The following CA8 variants were observed in gnomAD, a reference collection of about 807,000 sequenced individuals.
CA8 encodes the protein carbonic anhydrase 8 (inactive), also known as carbonic anhydrase-related protein.
Under a neutral mutation model 41.4 loss-of-function variants are expected in CA8, and 22 were observed. The ratio of observed to expected loss-of-function variants is 0.53; its 90% CI spans 0.38 to 0.76. CA8 has a LOEUF of 0.76. CA8 is among the 30% of genes least tolerant of loss of function. The probability of loss-of-function intolerance (pLI) is 0.00; values close to 1 mark genes in which losing one functional copy is unlikely to be tolerated. For missense variants in CA8, 270 were observed against 352.8 expected, an observed-to-expected ratio of 0.77 and a Z score of 1.88; for synonymous variants, 121 against 130.6, an observed-to-expected ratio of 0.93 and a Z score of 0.50.
chr8:60,256,845 T>G (rs1808656924), intron 3 of CA8, among the ~76,000 whole-genome samples: 1 of 152,218 alleles, frequency 6.6e-6, no homozygotes, highest in Non-Finnish European at 1.5e-5. Flanking sequence ...TGATTAGACT[T>G]ATAAAAATAC....
chr8:60,225,421 A>G (rs1807398313), intron 5 of CA8, among the ~76,000 whole-genome samples: 2 of 152,218 alleles, frequency 1.3e-5, no homozygotes, highest in East Asian at 1.9e-4. Flanking sequence ...CCTGAATTCC[A>G]TAATGACTGG....
intron 2 of CA8, 103 bp downstream of exon 2, chr8:60,279,586 T>TA (rs1171384388): frequency 1.0e-6 from 1 of 976,024 alleles, no homozygotes; most frequent in Admixed American, 1.8e-5. Flanking sequence ...AAAATAGAGA[T>TA]ACGTCAGTTG....
At chr8:60,212,051 C>A (rs1806854440) in intron 7 of CA8, among the ~76,000 whole-genome samples, 2 of 152,126 alleles carry the variant, frequency 1.3e-5, no homozygotes, top group African/African-American at 4.8e-5. Flanking sequence ...TTGTTTTTAA[C>A]CAATTTAAGA....
At chr8:60,230,883 C>T (rs955108999) in intron 4 of CA8, among the ~76,000 whole-genome samples, 1 of 152,198 alleles carries the variant, frequency 6.6e-6, no homozygotes. Context: ...TAAGTTATCA[C>T]ACCTAATTCC....
chr8:60,273,464 G>A (rs962449339), intron 2 of CA8, among the ~76,000 whole-genome samples: 2 of 152,240 alleles, frequency 1.3e-5, no homozygotes, highest in South Asian at 2.1e-4. Flanking sequence ...GCCTATCACT[G>A]TGGCTCCTTT....
At chr8:60,249,791 A>T (rs1231214434) in intron 3 of CA8, among the ~76,000 whole-genome samples, 1 of 152,182 alleles carries the variant, frequency 6.6e-6, no homozygotes, top group Non-Finnish European at 1.5e-5. Flanking sequence ...AAGAGTCTAA[A>T]CCTAATCCCA....
chr8:60,188,902 CTT>C lies in CA8; in HGVS notation c.*1117_*1118del, dbSNP rs1350450156. 6.6e-6 allele frequency: 1 copy of C among 152,146 alleles called. No individual in the cohort carries two copies. The highest frequency in any genetic ancestry group is 2.4e-5 in the African/African-American group (1 of 41,426). The allele number at this position is 152,146 out of a possible 1,614,324, so 9.4% of individuals were successfully genotyped here. Reference sequence around the variant, plus strand: ...TTCCACCTGTCTTCTATTTCTATGACTTAGATATTCTGCATCACAAAATCCCT... The same window carrying C: ...TTCCACCTGTCTTCTATTTCTATGACAGATATTCTGCATCACAAAATCCCT... On this transcript the variant is annotated 3_prime_UTR_variant, in exon 9 of 9. Coordinates refer to ENST00000317995, the MANE Select transcript of CA8 (RefSeq NM_004056.6).
chr8:60,265,285 A>G (rs1404110600), intron 3 of CA8: 1 of 153,098 alleles, frequency 6.5e-6, no homozygotes, highest in Non-Finnish European at 1.5e-5. Flanking sequence ...GGCCAGCGCC[A>G]TGGCAGTGCC....
chr8:60,209,476 C>T (rs979931296), intron 7 of CA8, among the ~76,000 whole-genome samples: 1 of 152,196 alleles, frequency 6.6e-6, no homozygotes, highest in African/African-American at 2.4e-5. Flanking sequence ...CAGAGCCAGA[C>T]TCCATCTCCA....
At chr8:60,205,346 G>C (rs7841412) in intron 8 of CA8, among the ~76,000 whole-genome samples, 1 of 152,112 alleles carries the variant, frequency 6.6e-6, no homozygotes, top group African/African-American at 2.4e-5. Context: ...CGTCAGAACA[G>C]CCTTTTAAAA....
At chr8:60,234,691 C>T (rs1357521178) in intron 3 of CA8, among the ~76,000 whole-genome samples, 1 of 152,174 alleles carries the variant, frequency 6.6e-6, no homozygotes, top group Non-Finnish European at 1.5e-5. Flanking sequence ...GCAGCAACAG[C>T]AGCTCTCCCA....
At chr8:60,274,442 AG>A in intron 2 of CA8, among the ~76,000 whole-genome samples, 1 of 152,364 alleles carries the variant, frequency 6.6e-6, no homozygotes, top group South Asian at 2.1e-4. Flanking sequence ...TACAGGAAGA[AG>A]GCCACAAGAG....
intron 2 of CA8, 43 bp downstream of exon 2, chr8:60,279,646 A>C (rs1804344677): frequency 1.3e-6 from 2 of 1,523,992 alleles, no homozygotes; most frequent in South Asian, 2.2e-5. Flanking sequence ...CTCTACGCTG[A>C]CTTCTAGTTT....
intron 2 of CA8, among the ~76,000 whole-genome samples, chr8:60,270,405 C>G (rs1379017902): frequency 6.6e-6 from 1 of 152,140 alleles, no homozygotes; most frequent in African/African-American, 2.4e-5. Context: ...TACTTACTTA[C>G]CTACTTATTT....
intron 3 of CA8, 162 bp from the exon 4 acceptor site, chr8:60,232,541 A>T: frequency 1.5e-6 from 1 of 689,152 alleles, no homozygotes; most frequent in Non-Finnish European, 2.7e-6. Flanking sequence ...TCTCTGTATG[A>T]ATTCCTTCCT....
chr8:60,239,358 G>A (rs1807939278), intron 3 of CA8, among the ~76,000 whole-genome samples: 3 of 152,158 alleles, frequency 2.0e-5, no homozygotes, highest in African/African-American at 7.2e-5. Flanking sequence ...CTTGAGAAAG[G>A]GCTAAAGGTA....
intron 7 of CA8, among the ~76,000 whole-genome samples, chr8:60,215,774 G>A (rs534903524): frequency 3.3e-5 from 5 of 152,134 alleles, no homozygotes; most frequent in African/African-American, 1.2e-4. Flanking sequence ...AATGTATGAT[G>A]GGCTTAACAG....
In CA8 at chr8:60,279,730, T is replaced by C. The variant is rs768738585; in HGVS notation, c.251A>G (p.Asn84Ser). ...GATAACCTGAATGGTATGTCCATCATTGGTGACTTCACAGTCTCGGCACAC... is the reference window on the plus strand; with the variant it reads ...GATAACCTGAATGGTATGTCCATCACTGGTGACTTCACAGTCTCGGCACAC... ...YVVCRDCEVTNDGHTIQVILK... is the reference protein window; with the variant it reads ...YVVCRDCEVTSDGHTIQVILK... The change falls in exon 2 of 9, where the codon AAT (asparagine) becomes AGT (serine). Residue 84 changes from asparagine (N) to serine (S), a missense_variant. Physicochemically the swap from Asn to Ser is conservative, Grantham distance 46. Around this residue, in one of 3 missense-constraint regions of CA8, gnomAD observed 123 missense variants for 136.8 expected, o/e 0.90. Transcript: ENST00000317995. 3.7e-6 allele frequency: 6 copies of C among 1,614,208 alleles called. No homozygotes were observed. The highest frequency in any genetic ancestry group is 5.1e-6 in the Non-Finnish European group (6 of 1,180,046).
intron 3 of CA8, among the ~76,000 whole-genome samples, chr8:60,255,645 T>A (rs558240719): frequency 4.3e-4 from 66 of 152,346 alleles, no homozygotes; most frequent in African/African-American, 1.4e-3. Flanking sequence ...CTTTCATTTG[T>A]CAGGTCTTAG....
Sources: allele counts gnomAD v4.1 joint callset (sites outside exome capture counted in the v4.1 genomes callset), GRCh38; gene constraint gnomAD v4.1.1; regional missense constraint gnomAD v4.1.1; transcripts MANE v1.5; gene names NCBI Gene and HGNC (gene_info 2026-07-23, HGNC 2026-07-21).